Variants in FBXW12 observed in about 807,000 individuals in gnomAD.
FBXW12 encodes the protein F-box/WD repeat-containing protein 12.
FBXW12 carries 43 observed loss-of-function variants against 55.3 expected under a neutral mutation model. The ratio of observed to expected loss-of-function variants is 0.78; its 90% CI spans 0.61 to 1.00. The LOEUF is 1.00. FBXW12 is among the 50% of genes least tolerant of loss of function. FBXW12 has a pLI of 0.00. For synonymous variants in FBXW12, 184 were observed against 203.8 expected, an observed-to-expected ratio of 0.90 and a Z score of 0.83; for missense variants, 524 against 560.5, an observed-to-expected ratio of 0.93 and a Z score of 0.66.
chr3:48,380,910 A>C lies in FBXW12; in HGVS notation c.983A>C (p.Gln328Pro), dbSNP rs1380855597. 1 of 1,613,282 alleles carries C rather than the reference A, an allele frequency of 6.2e-7. No individual in the cohort carries two copies. The highest frequency in any genetic ancestry group is 8.5e-7 in the Non-Finnish European group (1 of 1,179,436). The change falls in exon 8 of 11, where the codon CAA becomes CCA. Residue 328 changes from glutamine to proline, a missense_variant and splice_region_variant. Transcript: ENST00000296438. Reference protein sequence around the residue: ...TKKTGGQTVIQAYEIASFQVA... With the variant: ...TKKTGGQTVIPAYEIASFQVA... ...AAGACTGGAGGCCAAACAGTCATCC[A>C]AGGTAGGCTGTGCCACATTAGAAAC...
At chr3:48,379,175 G>A (rs913158669) in intron 6 of FBXW12, among the ~76,000 whole-genome samples, 3 of 152,242 alleles carry the variant, frequency 2.0e-5, no homozygotes, top group Non-Finnish European at 4.4e-5. Context: ...TAGTGTTGAT[G>A]TGCTAATGAA....
At chr3:48,389,617 C>T (rs2036893489) in intron 10 of FBXW12, among the ~76,000 whole-genome samples, 1 of 152,162 alleles carries the variant, frequency 6.6e-6, no homozygotes, top group Non-Finnish European at 1.5e-5. Context: ...CTCAAGTGAT[C>T]TGTCCGCCTC....
intron 5 of FBXW12, 146 bp downstream of exon 5, chr3:48,375,618 A>G: frequency 5.0e-6 from 3 of 603,478 alleles, no homozygotes; most frequent in Non-Finnish European, 8.8e-6. Context: ...GTAATTTGTG[A>G]CCTTTTCATT....
chr3:48,391,106 CAAAAAAAAAAAAAAA>C (rs587685327), intron 10 of FBXW12, among the ~76,000 whole-genome samples: 1 of 82,918 alleles, frequency 1.2e-5, no homozygotes, highest in Admixed American at 1.4e-4. Context: ...CCTGTCTCTA[CAAAAAAAAAAAAAAA>C]AAAAAAAAAA....
intron 5 of FBXW12, among the ~76,000 whole-genome samples, chr3:48,375,953 G>A (rs529532318): frequency 3.4e-5 from 5 of 149,100 alleles, no homozygotes; most frequent in Non-Finnish European, 5.9e-5. Context: ...GAGATTACAG[G>A]CGTGAGCCAC....
intron 5 of FBXW12, among the ~76,000 whole-genome samples, chr3:48,376,490 A>G (rs1346802692): frequency 2.6e-5 from 4 of 152,142 alleles, no homozygotes; most frequent in Admixed American, 6.6e-5. Flanking sequence ...CAAGGCGTGC[A>G]AAGGATTTAT....
intron 10 of FBXW12, among the ~76,000 whole-genome samples, chr3:48,390,541 A>G (rs1195628958): frequency 6.6e-6 from 1 of 150,872 alleles, no homozygotes; most frequent in Admixed American, 6.6e-5. Context: ...CAGCCTCCCA[A>G]GTAGCTGGGA....
At chr3:48,379,044 A>T (rs2036726610) in intron 6 of FBXW12, among the ~76,000 whole-genome samples, 1 of 152,018 alleles carries the variant, frequency 6.6e-6, no homozygotes, top group South Asian at 2.1e-4. Flanking sequence ...AAAGCCAAAA[A>T]CTTCCTGAAT....
intron 5 of FBXW12, among the ~76,000 whole-genome samples, chr3:48,377,427 G>T (rs1271959724): frequency 6.6e-6 from 1 of 152,156 alleles, no homozygotes; most frequent in African/African-American, 2.4e-5. Flanking sequence ...TGTGGTGAGG[G>T]ACTGAGGACC....
chr3:48,386,522 G>T (rs1346112689), intron 10 of FBXW12, among the ~76,000 whole-genome samples: 1 of 152,154 alleles, frequency 6.6e-6, no homozygotes, highest in East Asian at 1.9e-4. Context: ...CTATTTCTGT[G>T]GAAAAGGTCA....
At chr3:48,379,877 G>A (rs2036741236) in intron 7 of FBXW12, 1 of 269,316 alleles carries the variant, frequency 3.7e-6, no homozygotes, top group Non-Finnish European at 7.2e-6. Flanking sequence ...TTACTCAGAA[G>A]GCTGAGGCGG....
chr3:48,383,725 T>C (rs1037773399), intron 10 of FBXW12, among the ~76,000 whole-genome samples: 8 of 152,212 alleles, frequency 5.3e-5, no homozygotes, highest in African/African-American at 1.9e-4. Flanking sequence ...GTCTCTGATG[T>C]ATTTTGAGTT....
At position 48,375,403 on chromosome 3, in the gene FBXW12, T is replaced by C; in HGVS notation, c.336T>C (p.Asp112=). ...TCTCAGGAAATAGACTTACAGTGGATGAACAGGAGAAATCAATCATTTGTA... is the reference window on the plus strand; with the variant it reads ...TCTCAGGAAATAGACTTACAGTGGACGAACAGGAGAAATCAATCATTTGTA... ...AYLSGNRLTV[D]EQEKSIICSV... Residue 112 remains aspartate, a synonymous_variant, in exon 5 of 11, where the codon GAT becomes GAC. Coordinates refer to ENST00000296438, the MANE Select transcript of FBXW12 (RefSeq NM_207102.2). 1 of 1,612,784 alleles carries C rather than the reference T, an allele frequency of 6.2e-7. No homozygotes were observed. Among genetic ancestry groups the C allele is most frequent in the Non-Finnish European group, 8.5e-7 (1 of 1,179,672 alleles).
intron 6 of FBXW12, 95 bp downstream of exon 6, chr3:48,378,621 T>TG: frequency 8.1e-6 from 8 of 983,482 alleles, no homozygotes; most frequent in Non-Finnish European, 1.2e-5. Flanking sequence ...CCCTTTTTTT[T>TG]TTTTTTTTTT....
intron 10 of FBXW12, among the ~76,000 whole-genome samples, chr3:48,391,708 T>A (rs760603607): frequency 5.3e-5 from 8 of 152,188 alleles, no homozygotes; most frequent in Non-Finnish European, 8.8e-5. Flanking sequence ...GGATACTGGA[T>A]TTTATTGAAA....
intron 2 of FBXW12, 136 bp downstream of exon 2, chr3:48,372,993 T>C: frequency 2.3e-6 from 2 of 879,452 alleles, no homozygotes; most frequent in South Asian, 2.9e-5. Flanking sequence ...GGCCTCATAT[T>C]CTGTTAAACG....
chr3:48,383,617 T>TGG (rs897453235), intron 10 of FBXW12, among the ~76,000 whole-genome samples: 4 of 152,188 alleles, frequency 2.6e-5, no homozygotes, highest in Non-Finnish European at 5.9e-5. Context: ...TGACTGGGCT[T>TGG]GGGGGATTGT....
At chr3:48,386,694 T>G (rs2036852716) in intron 10 of FBXW12, among the ~76,000 whole-genome samples, 1 of 152,226 alleles carries the variant, frequency 6.6e-6, no homozygotes. Flanking sequence ...TATACATCTT[T>G]TACCGCCTTG....
chr3:48,372,510 T>C, intron 1 of FBXW12, 174 bp from the exon 2 acceptor site: 1 of 983,184 alleles, frequency 1.0e-6, no homozygotes, highest in Non-Finnish European at 1.5e-6. Flanking sequence ...CAGGTGTTGC[T>C]GAGCTCCTCT....
Sources: allele counts gnomAD v4.1 joint callset (sites outside exome capture counted in the v4.1 genomes callset), GRCh38; gene constraint gnomAD v4.1.1; transcripts MANE v1.5; gene names NCBI Gene and HGNC (gene_info 2026-07-23, HGNC 2026-07-21).